IL3RA: variants seen among roughly 807,000 people sequenced by gnomAD.
IL3RA encodes interleukin-3 receptor subunit alpha.
In IL3RA, 73 loss-of-function variants were observed where a neutral mutation model predicts 52.3. The observed-to-expected ratio is 1.40, with a 90% CI of 1.16 to 1.70. The LOEUF (loss-of-function observed/expected upper bound fraction) is 1.70, where lower values mean the gene tolerates loss of function less well. IL3RA is among the 40% of genes most tolerant of loss of function. The probability of loss-of-function intolerance (pLI) is 0.00; values close to 1 mark genes in which losing one functional copy is unlikely to be tolerated. For synonymous variants in IL3RA, 260 were observed against 194.0 expected (o/e 1.34, Z -2.83); for missense variants, 664 against 504.4 (o/e 1.32, Z -3.03).
At chrX:1,350,140 G>C (rs1236905350) in intron 4 of IL3RA, among the ~76,000 whole-genome samples, 2 of 152,140 alleles carry the variant, frequency 1.3e-5, no homozygotes, top group African/African-American at 4.8e-5. Flanking sequence ...AGCTGAGAGA[G>C]GTGGGTTTGG....
At chrX:1,378,594 G>T in intron 9 of IL3RA, 65 bp from the exon 10 acceptor site, 1 of 1,400,472 alleles carries the variant, frequency 7.1e-7, no homozygotes, top group Non-Finnish European at 1.0e-6. Flanking sequence ...CCCGGGGAGA[G>T]CTTACAGTCC....
chrX:1,342,582 CAG>C (rs1360262342), intron 2 of IL3RA, among the ~76,000 whole-genome samples: 40 of 113,220 alleles, frequency 3.5e-4, no homozygotes, highest in African/African-American at 1.3e-3. Context: ...TTTTTTGACA[CAG>C]AGTTTCATTC....
At chrX:1,346,109 T>A (rs1270533711) in intron 3 of IL3RA, among the ~76,000 whole-genome samples, 2 of 150,708 alleles carry the variant, frequency 1.3e-5, no homozygotes, top group East Asian at 4.0e-4. Context: ...GGTCAGGAGT[T>A]CGAGACCAGT....
intron 8 of IL3RA, among the ~76,000 whole-genome samples, chrX:1,364,452 C>T (rs2087751232): frequency 6.6e-6 from 1 of 152,150 alleles, no homozygotes; most frequent in Admixed American, 6.5e-5. Context: ...GTTGGTGCCA[C>T]TGCACTCCAG....
At chrX:1,363,302 C>CT (rs769178382) in intron 8 of IL3RA, among the ~76,000 whole-genome samples, 1,526 of 130,620 alleles carry the variant, frequency 0.012, 24 homozygotes, top group African/African-American at 0.032. Context: ...GTCTTTTCTT[C>CT]TTTTTTTTTT....
intron 3 of IL3RA, 31 bp from the exon 4 acceptor site, chrX:1,348,400 A>G (rs1425710148): frequency 2.0e-6 from 3 of 1,504,758 alleles, no homozygotes; most frequent in Non-Finnish European, 2.8e-6. Context: ...ATGGTCTGTC[A>G]GCAGCCATCA....
chrX:1,368,350 T>C (rs6645270), intron 9 of IL3RA, among the ~76,000 whole-genome samples: 5,649 of 152,034 alleles, frequency 0.037, 175 homozygotes, highest in East Asian at 0.15. Context: ...TTTGGGAGGC[T>C]GAGGTGGGTA....
At chrX:1,358,397 T>C (rs1377032139) in intron 7 of IL3RA, among the ~76,000 whole-genome samples, 2 of 151,050 alleles carry the variant, frequency 1.3e-5, no homozygotes, top group Non-Finnish European at 3.0e-5. Context: ...CGATGGGGCA[T>C]GCCTGTAATC....
chrX:1,382,378 C>T lies in IL3RA; in HGVS notation c.1063-13C>T. ...GGGTGGCCGACTCACCCTGCCTCCT[C>T]TCGTCTCTGCAGGTGGTCTGGGAGG... is the stretch of plus-strand genomic sequence containing the variant. On this transcript the variant is annotated splice_polypyrimidine_tract_variant and intron_variant, in intron 11 of 11. Transcript: ENST00000331035. 1 of 1,613,062 alleles carries T rather than the reference C, an allele frequency of 6.2e-7. No individual in the cohort carries two copies. Among genetic ancestry groups the T allele is most frequent in the Non-Finnish European group, 8.5e-7 (1 of 1,179,224 alleles).
chrX:1,358,191 G>A (rs1226093369), intron 7 of IL3RA, among the ~76,000 whole-genome samples: 1 of 152,096 alleles, frequency 6.6e-6, no homozygotes, highest in African/African-American at 2.4e-5. Flanking sequence ...GCAGCCACAG[G>A]CAGAGTCGTA....
chrX:1,368,662 AGAG>A (rs1191605518), intron 9 of IL3RA, among the ~76,000 whole-genome samples: 2 of 152,146 alleles, frequency 1.3e-5, no homozygotes, highest in African/African-American at 2.4e-5. Flanking sequence ...CCTTATAAGA[AGAG>A]GAGATGAGGA....
At chrX:1,381,267 G>A (rs17884532) in intron 11 of IL3RA, among the ~76,000 whole-genome samples, 163 bp downstream of exon 11, 2,400 of 152,170 alleles carry the variant, frequency 0.016, 21 homozygotes, top group Middle Eastern at 0.027. Context: ...GTGTGGTGGC[G>A]GGCGCCTGTA....
intron 2 of IL3RA, among the ~76,000 whole-genome samples, chrX:1,344,879 T>C (rs1373893076): frequency 6.7e-6 from 1 of 149,468 alleles, no homozygotes; most frequent in African/African-American, 2.5e-5. Context: ...TTTAAGATTG[T>C]TGACCTGGTG....
At chrX:1,381,819 G>C (rs1425494744) in intron 11 of IL3RA, among the ~76,000 whole-genome samples, 3 of 151,680 alleles carry the variant, frequency 2.0e-5, no homozygotes, top group African/African-American at 7.3e-5. Context: ...TGGGATTACA[G>C]GCATGAGCCA....
At chrX:1,380,978 G>A (rs766267235) in intron 10 of IL3RA, 45 bp from the exon 11 acceptor site, 1 of 1,505,404 alleles carries the variant, frequency 6.6e-7, no homozygotes, top group East Asian at 2.3e-5. Context: ...ATGATGAGCT[G>A]GTCGGTTTTG....
At position 1,345,431 on chromosome X, in the gene IL3RA, G is replaced by T; in HGVS notation, c.180G>T (p.Met60Ile). The change falls in exon 3 of 12, where the codon ATG (methionine) becomes ATT (isoleucine). Residue 60 changes from methionine (M) to isoleucine (I), a missense_variant. Physicochemically the swap from Met to Ile is conservative, Grantham distance 10. Transcript: ENST00000331035. ...IECVKDADYS[M>I]PAVNNSYCQF... ...GTGTTAAAGACGCCGACTATTCTAT[G>T]CCGGTAAATCATACTCTCTATTGTT... is the stretch of plus-strand genomic sequence containing the variant. The T allele has an allele frequency of 6.4e-7, 1 of 1,568,984 alleles. No individual in the cohort carries two copies.
At chrX:1,363,744 G>A (rs1241187532) in intron 8 of IL3RA, among the ~76,000 whole-genome samples, 1 of 151,862 alleles carries the variant, frequency 6.6e-6, no homozygotes, top group Non-Finnish European at 1.5e-5. Flanking sequence ...ATTTCAGACA[G>A]GCTCTCACTC....
intron 7 of IL3RA, 143 bp downstream of exon 7, chrX:1,356,479 AAAAC>A: frequency 3.2e-6 from 2 of 631,898 alleles, no homozygotes; most frequent in Non-Finnish European, 5.7e-6. Context: ...AACAAAAACA[AAAAC>A]AAAAGGCCGG....
chrX:1,368,459 G>A (rs2088353827), intron 9 of IL3RA, among the ~76,000 whole-genome samples: 1 of 152,110 alleles, frequency 6.6e-6, no homozygotes, highest in Non-Finnish European at 1.5e-5. Flanking sequence ...TGTGGCTTAA[G>A]CCTGTAACCT....
Sources: allele counts gnomAD v4.1 joint callset (sites outside exome capture counted in the v4.1 genomes callset), GRCh38; gene constraint gnomAD v4.1.1; transcripts MANE v1.5; gene names NCBI Gene and HGNC (gene_info 2026-07-23, HGNC 2026-07-21).